Variants in CPQ observed in about 807,000 individuals in gnomAD.
CPQ encodes carboxypeptidase Q, also known as Ser-Met dipeptidase.
In CPQ, 37 loss-of-function variants were observed where a neutral mutation model predicts 45.7. That is an observed-to-expected ratio of 0.81 (90% CI 0.62 to 1.07). CPQ has a LOEUF of 1.07. CPQ is among the 50% of genes least tolerant of loss of function. The pLI, the probability that CPQ is intolerant of heterozygous loss-of-function variation, is 0.00. For missense variants in CPQ, 537 were observed against 572.9 expected (o/e 0.94, Z 0.64); for synonymous variants, 186 against 205.8 (o/e 0.90, Z 0.82).
chr8:96,689,755 G>A (rs1809279927), intron 1 of CPQ, among the ~76,000 whole-genome samples: 2 of 152,022 alleles, frequency 1.3e-5, no homozygotes, highest in African/African-American at 4.8e-5. Context: ...ACATATGCTT[G>A]ATTTCCATTT....
chr8:97,034,415 T>C (rs925769043), intron 6 of CPQ, among the ~76,000 whole-genome samples: 1 of 152,216 alleles, frequency 6.6e-6, no homozygotes, highest in African/African-American at 2.4e-5. Flanking sequence ...TCTCTCCTTA[T>C]TTTAAAGTCC....
At chr8:96,812,564 A>G (rs1811171594) in intron 2 of CPQ, among the ~76,000 whole-genome samples, 1 of 152,158 alleles carries the variant, frequency 6.6e-6, no homozygotes, top group Non-Finnish European at 1.5e-5. Context: ...GTTCTTAGGC[A>G]GATTGTTTTG....
intron 6 of CPQ, among the ~76,000 whole-genome samples, chr8:97,043,571 C>A (rs1275774950): frequency 2.6e-5 from 4 of 152,182 alleles, no homozygotes; most frequent in Non-Finnish European, 5.9e-5. Context: ...GATGCAGTTT[C>A]TTCCTAGCCT....
chr8:96,958,802 A>T (rs942330173), intron 4 of CPQ, among the ~76,000 whole-genome samples: 2 of 152,068 alleles, frequency 1.3e-5, no homozygotes, highest in Admixed American at 1.3e-4. Context: ...CTGAGAGTGG[A>T]AACAGCTCTT....
chr8:97,078,684 G>A (rs1295280271), intron 7 of CPQ, among the ~76,000 whole-genome samples: 3 of 150,458 alleles, frequency 2.0e-5, no homozygotes, highest in Non-Finnish European at 3.0e-5. Context: ...TTTGTTTTTA[G>A]TATGTATATT....
chr8:97,125,787 T>C (rs1317778511), intron 7 of CPQ, among the ~76,000 whole-genome samples: 2 of 152,210 alleles, frequency 1.3e-5, no homozygotes, highest in African/African-American at 4.8e-5. Flanking sequence ...GTGAATGCTT[T>C]CCTACTACGA....
At chr8:96,906,761 T>G (rs550657126) in intron 4 of CPQ, among the ~76,000 whole-genome samples, 20 of 152,254 alleles carry the variant, frequency 1.3e-4, no homozygotes, top group African/African-American at 4.8e-4. Flanking sequence ...ATTCCATTCA[T>G]GAGGACTCTG....
rs143954738 is a variant in CPQ, at chr8:97,102,082, G to C, written c.1255+35872G>C. On this transcript the variant is annotated intron_variant, in intron 7 of 7. Transcript: ENST00000220763. ...GGTACAGTTAGGGAGATAAGATCTA[G>C]CTGTGAGAAGCAGTCACACATCCTG... is the stretch of plus-strand genomic sequence containing the variant. Among the ~76,000 whole-genome samples the C allele has an allele frequency of 2.2e-3, 334 of 152,102 alleles. 1 individual carries two copies. The highest frequency in any genetic ancestry group is 7.5e-3 in the African/African-American group (313 of 41,496).
At position 97,119,443 on chromosome 8, in the gene CPQ, T is replaced by TAAA. The variant is rs34411965; in HGVS notation, c.1256-23565_1256-23563dup. Among the ~76,000 whole-genome samples, 241 of 143,998 alleles carry TAAA rather than the reference T, an allele frequency of 1.7e-3. 3 individuals are homozygous for TAAA. The highest frequency in any genetic ancestry group is 0.013 in the Admixed American group (187 of 14,414). 94.5% of individuals were successfully genotyped at this position (143,998 alleles called of 152,430 possible). A position where few individuals can be genotyped will look rare whatever the true frequency, so the allele number is the denominator to read the frequency against. On this transcript the variant is annotated intron_variant, in intron 7 of 7. Transcript: ENST00000220763. ...GTTTCTGATTCTGTTTCTTACACTG[T>TAAA]AAAAAAAAAAAAAATGGTGGGGGGG...
intron 5 of CPQ, among the ~76,000 whole-genome samples, chr8:96,975,574 C>T (rs1187467646): frequency 1.3e-5 from 2 of 151,542 alleles, no homozygotes; most frequent in African/African-American, 2.4e-5. Flanking sequence ...CCCTGATGAA[C>T]GTAGATGCTA....
chr8:96,968,637 G>T (rs750662078), intron 5 of CPQ, among the ~76,000 whole-genome samples: 16 of 152,226 alleles, frequency 1.1e-4, no homozygotes, highest in Non-Finnish European at 1.8e-4. Flanking sequence ...TTCCTTGGAT[G>T]ATGTGTCATG....
At chr8:96,986,314 G>C (rs568913489) in intron 5 of CPQ, among the ~76,000 whole-genome samples, 2 of 152,246 alleles carry the variant, frequency 1.3e-5, no homozygotes, top group South Asian at 4.1e-4. Flanking sequence ...AAATTCGATT[G>C]GACCATCAAA....
At chr8:97,118,236 GC>G (rs1219457648) in intron 7 of CPQ, among the ~76,000 whole-genome samples, 1 of 152,128 alleles carries the variant, frequency 6.6e-6, no homozygotes, top group Non-Finnish European at 1.5e-5. Context: ...ATCTACTTAT[GC>G]CTTTTTTTCT....
chr8:97,121,862 A>C (rs542418514), intron 7 of CPQ, among the ~76,000 whole-genome samples: 19 of 152,260 alleles, frequency 1.2e-4, no homozygotes, highest in African/African-American at 4.3e-4. Flanking sequence ...ATATGAAATA[A>C]AAAAATTCAC....
At chr8:96,755,468 C>T (rs1437178187) in intron 1 of CPQ, among the ~76,000 whole-genome samples, 1 of 151,752 alleles carries the variant, frequency 6.6e-6, no homozygotes, top group African/African-American at 2.4e-5. Context: ...AATTAAAATA[C>T]TTATTCATAG....
intron 5 of CPQ, among the ~76,000 whole-genome samples, chr8:97,021,421 C>T (rs144805723): frequency 3.6e-4 from 54 of 150,638 alleles, no homozygotes; most frequent in Non-Finnish European, 6.4e-4. Context: ...TTGGGACTCC[C>T]GCTGTCTGCT....
intron 5 of CPQ, among the ~76,000 whole-genome samples, chr8:96,997,859 T>C (rs1340359988): frequency 6.6e-6 from 1 of 152,016 alleles, no homozygotes; most frequent in Non-Finnish European, 1.5e-5. Context: ...CAACGGACAA[T>C]GAACACTCCC....
chr8:96,885,219 G>A (rs1387578268), intron 4 of CPQ, among the ~76,000 whole-genome samples: 2 of 152,208 alleles, frequency 1.3e-5, no homozygotes, highest in African/African-American at 4.8e-5. Flanking sequence ...GTGAGAGCAA[G>A]AGAGCAGGAG....
intron 4 of CPQ, among the ~76,000 whole-genome samples, chr8:96,888,300 GT>G (rs1257586807): frequency 1.3e-5 from 2 of 152,216 alleles, no homozygotes; most frequent in Non-Finnish European, 2.9e-5. Context: ...TTTGGTTCTG[GT>G]TTTATTTCTG....
Sources: allele counts gnomAD v4.1 joint callset (sites outside exome capture counted in the v4.1 genomes callset), GRCh38; gene constraint gnomAD v4.1.1; transcripts MANE v1.5; gene names NCBI Gene and HGNC (gene_info 2026-07-23, HGNC 2026-07-21).